Variants in PTPRA observed in about 807,000 individuals in gnomAD.
The protein encoded by PTPRA is protein tyrosine phosphatase receptor type A, also known as receptor-type tyrosine-protein phosphatase alpha.
A neutral mutation model predicts 104.8 loss-of-function variants in PTPRA; 25 were observed. The ratio of observed to expected loss-of-function variants is 0.24; its 90% CI spans 0.17 to 0.33. The LOEUF (loss-of-function observed/expected upper bound fraction) is 0.33. Ranked by LOEUF, PTPRA falls within the 10% of genes least tolerant of loss-of-function variation. PTPRA has a pLI of 1.00. For synonymous variants in PTPRA, 323 were observed against 368.9 expected (o/e 0.88, Z 1.43); for missense variants, 765 against 1,015.3 (o/e 0.75, Z 3.35).
chr20:2,965,312 C>G, intron 5 of PTPRA, 110 bp downstream of exon 5: 2 of 1,112,750 alleles, frequency 1.8e-6, no homozygotes, highest in Non-Finnish European at 2.5e-6. Context: ...TAAAATTGCT[C>G]AAGTGAAGTA....
chr20:3,021,146 A>G (rs879758991), intron 13 of PTPRA, among the ~76,000 whole-genome samples, 163 bp from the exon 14 acceptor site: 11 of 152,214 alleles, frequency 7.2e-5, no homozygotes, highest in Non-Finnish European at 1.5e-4. Flanking sequence ...AGAAAAGGGC[A>G]AATTTGAATA....
intron 3 of PTPRA, chr20:2,955,547 C>G: frequency 1.2e-6 from 1 of 846,452 alleles, no homozygotes; most frequent in Non-Finnish European, 1.4e-6. Context: ...TTTTGGACTT[C>G]TCTATCACAT....
intron 13 of PTPRA, among the ~76,000 whole-genome samples, chr20:3,019,029 G>T (rs575589331): frequency 1.4e-5 from 2 of 139,030 alleles, no homozygotes; most frequent in South Asian, 2.5e-4. Context: ...CGGGCGGGGG[G>T]GCTGACCCCC....
At chr20:2,909,909 A>G (rs1372522502) in intron 1 of PTPRA, among the ~76,000 whole-genome samples, 11 of 131,346 alleles carry the variant, frequency 8.4e-5, no homozygotes, top group Non-Finnish European at 1.2e-4. Context: ...TATATGACAT[A>G]TATATGTTAT....
intron 1 of PTPRA, among the ~76,000 whole-genome samples, chr20:2,904,836 G>A (rs79127996): frequency 0.075 from 11,446 of 152,110 alleles, 557 homozygotes; most frequent in Non-Finnish European, 0.1. Flanking sequence ...AGAAATCAGG[G>A]AGAAAATGAT....
At position 2,898,881 on chromosome 20, in the gene PTPRA, A is replaced by G. The variant is rs542432696; in HGVS notation, c.-128-24326A>G. 3.9e-5 allele frequency among the ~76,000 whole-genome samples: 6 copies of G among 152,156 alleles called. No individual in the cohort carries two copies. In the South Asian group the frequency reaches 6.2e-4, roughly 16 times the overall value. On this transcript the variant is annotated intron_variant, in intron 1 of 23. Transcript: ENST00000399903. ...TCAAAAAAAAAAAATTTCTGGGCTCATCTTTACTTTTGTTATCTCAGTCGT... is the reference window on the plus strand; with the variant it reads ...TCAAAAAAAAAAAATTTCTGGGCTCGTCTTTACTTTTGTTATCTCAGTCGT...
At chr20:2,901,098 G>A (rs1237346939) in intron 1 of PTPRA, among the ~76,000 whole-genome samples, 2 of 151,876 alleles carry the variant, frequency 1.3e-5, no homozygotes, top group Non-Finnish European at 2.9e-5. Context: ...AGCCTCCAGA[G>A]TAGCTGGGAT....
intron 11 of PTPRA, among the ~76,000 whole-genome samples, chr20:3,012,551 G>A (rs2064224706): frequency 6.6e-6 from 1 of 152,242 alleles, no homozygotes; most frequent in Non-Finnish European, 1.5e-5. Context: ...TTGAACAGGT[G>A]CTCATGGGTG....
At chr20:2,946,962 AATGTTTTGGTTAAC>A (rs2061158987) in intron 2 of PTPRA, among the ~76,000 whole-genome samples, 1 of 152,166 alleles carries the variant, frequency 6.6e-6, no homozygotes, top group African/African-American at 2.4e-5. Flanking sequence ...ATGAACCTGA[AATGTTTTGGTTAAC>A]ATGAGAAAGG....
the PTPRA span, chr20:2,865,044 T>C: frequency 6.2e-7 from 1 of 1,614,088 alleles, no homozygotes; most frequent in Non-Finnish European, 8.5e-7. The surrounding 1 kb of genome is among the most constrained non-coding windows in gnomAD (Gnocchi z 5.2). Flanking sequence ...CAAGAATGAG[T>C]TTGCAGCCAA....
At chr20:2,905,850 A>T (rs2059410208) in intron 1 of PTPRA, among the ~76,000 whole-genome samples, 1 of 151,622 alleles carries the variant, frequency 6.6e-6, no homozygotes, top group Non-Finnish European at 1.5e-5. Flanking sequence ...ACACCTGGCT[A>T]CTTTTTTGTA....
At chr20:2,910,239 T>TGA (rs2059629687) in intron 1 of PTPRA, among the ~76,000 whole-genome samples, 1 of 98,046 alleles carries the variant, frequency 1.0e-5, no homozygotes, top group Non-Finnish European at 2.0e-5. Context: ...GTATTGTATA[T>TGA]TATATATAAT....
Position 3,022,153 on chromosome 20 carries a change from C to T in PTPRA, c.1261C>T (p.Leu421Phe). ...GGTGCCTTTTACCCCGATCGGCATG[C>T]TCAAGTTCCTCAAGAAGGTGAAGGC... The part of the protein sequence containing the change: ...FGVPFTPIGM[L>F]KFLKKVKACN... The change falls in exon 15 of 24, where the codon CTC becomes TTC. Residue 421 changes from leucine to phenylalanine, a missense_variant. This residue lies in a region of PTPRA where 245 missense variants were observed against 398.7 expected (regional missense o/e 0.61). Transcript: ENST00000399903. The surrounding 1 kb of genome is among the most constrained non-coding windows in gnomAD (Gnocchi z 4.6). 6.2e-7 allele frequency: 1 copy of T among 1,614,226 alleles called. No individual in the cohort carries two copies. Among genetic ancestry groups the T allele is most frequent in the Non-Finnish European group, 8.5e-7 (1 of 1,180,030 alleles).
chr20:2,890,536 C>G (rs1041394933), intron 1 of PTPRA, among the ~76,000 whole-genome samples: 1 of 152,314 alleles, frequency 6.6e-6, no homozygotes, highest in South Asian at 2.1e-4. Flanking sequence ...GATCTTGATT[C>G]TCTGTCTTCC....
chr20:3,027,332 C>A, intron 19 of PTPRA, 135 bp downstream of exon 19: 1 of 881,844 alleles, frequency 1.1e-6, no homozygotes, highest in Non-Finnish European at 1.8e-6. Context: ...GATACTCACC[C>A]ACCCACTCAC....
At chr20:3,014,582 TG>T (rs1235648612) in intron 11 of PTPRA, among the ~76,000 whole-genome samples, 5 of 151,698 alleles carry the variant, frequency 3.3e-5, no homozygotes, top group African/African-American at 7.3e-5. Context: ...AGCAGAAGGT[TG>T]CCGTGAGCCA....
intron 1 of PTPRA, among the ~76,000 whole-genome samples, chr20:2,890,865 G>T (rs943723359): frequency 6.6e-6 from 1 of 151,958 alleles, no homozygotes; most frequent in East Asian, 1.9e-4. Flanking sequence ...GATTCTACAC[G>T]TTCTTCCTGG....
intron 3 of PTPRA, among the ~76,000 whole-genome samples, chr20:2,948,839 C>G (rs899594781): frequency 1.3e-5 from 2 of 152,046 alleles, no homozygotes; most frequent in Non-Finnish European, 2.9e-5. Flanking sequence ...GTAGTCCCAG[C>G]TGCTGGGGAG....
intron 1 of PTPRA, among the ~76,000 whole-genome samples, chr20:2,920,056 C>T (rs6084200): frequency 1.3e-5 from 2 of 152,124 alleles, no homozygotes; most frequent in Non-Finnish European, 2.9e-5. Context: ...GCTGTTTGGC[C>T]TGCAGAGCCA....
Sources: gnomAD v4.1 joint callset for allele counts (sites outside exome capture counted in the v4.1 genomes callset) on GRCh38, gnomAD v4.1.1 for gene constraint, gnomAD v4.1.1 regional missense constraint, Gnocchi (gnomAD v3.1) non-coding constraint, MANE v1.5 for transcripts, NCBI Gene and HGNC (gene_info 2026-07-23, HGNC 2026-07-21) for gene names.